NOVA1: variants seen among roughly 807,000 people sequenced by gnomAD.
NOVA1 encodes NOVA alternative splicing regulator 1.
A neutral mutation model predicts 38.0 loss-of-function variants in NOVA1; 7 were observed. The observed-to-expected ratio is 0.18, with a 90% CI of 0.10 to 0.35. The LOEUF is 0.35. Ranked by LOEUF, NOVA1 falls within the 10% of genes least tolerant of loss-of-function variation. The pLI, the probability that NOVA1 is intolerant of heterozygous loss-of-function variation, is 1.00. For missense variants in NOVA1, 460 were observed against 616.0 expected (o/e 0.75, Z 2.68); for synonymous variants, 270 against 232.5 (o/e 1.16, Z -1.47).
chr14:26,496,295 CTTT>C, intron 2 of NOVA1, among the ~76,000 whole-genome samples: 1 of 152,302 alleles, frequency 6.6e-6, no homozygotes, highest in African/African-American at 2.4e-5. Flanking sequence ...TAAATGTCTT[CTTT>C]TGAGAAGTGG....
chr14:26,524,837 A>C (rs1487621969), intron 2 of NOVA1, among the ~76,000 whole-genome samples: 2 of 152,210 alleles, frequency 1.3e-5, no homozygotes, highest in Admixed American at 1.3e-4. Flanking sequence ...GGAAGTATTA[A>C]AACAACATAA....
intron 2 of NOVA1, among the ~76,000 whole-genome samples, chr14:26,507,200 CAGAT>C (rs928247899): frequency 2.0e-5 from 3 of 151,768 alleles, no homozygotes; most frequent in Non-Finnish European, 4.4e-5. Flanking sequence ...ACTTAACGCT[CAGAT>C]AAAGGGCACA....
chr14:26,451,909 G>A (rs972091789), intron 4 of NOVA1, among the ~76,000 whole-genome samples: 11 of 152,016 alleles, frequency 7.2e-5, no homozygotes, highest in African/African-American at 2.2e-4. Context: ...TATTGATGTG[G>A]CCCCAAGTTT....
At chr14:26,471,481 A>G (rs931098087) in intron 4 of NOVA1, among the ~76,000 whole-genome samples, 2 of 151,786 alleles carry the variant, frequency 1.3e-5, no homozygotes, top group African/African-American at 2.4e-5. Flanking sequence ...AAAGAAAATA[A>G]CATTTCTCAC....
At chr14:26,519,090 G>A (rs1888685148) in intron 2 of NOVA1, 1 of 151,950 alleles carries the variant, frequency 6.6e-6, no homozygotes, top group South Asian at 2.1e-4. Flanking sequence ...ATTTTAAATG[G>A]AAAACATTTA....
At chr14:26,470,126 T>C (rs178217) in intron 4 of NOVA1, 414,074 of 631,248 alleles carry the variant, frequency 0.66, 143,715 homozygotes, top group South Asian at 0.72. Context: ...AATAGTTTTC[T>C]GTATTTTTTA....
intron 2 of NOVA1, among the ~76,000 whole-genome samples, chr14:26,568,805 G>A (rs1214771321): frequency 6.6e-6 from 1 of 152,104 alleles, no homozygotes; most frequent in African/African-American, 2.4e-5. Context: ...ACTTTAACCA[G>A]CTATGCTGTC....
chr14:26,496,927 T>G (rs889473035), intron 2 of NOVA1, among the ~76,000 whole-genome samples: 3 of 152,166 alleles, frequency 2.0e-5, no homozygotes, highest in African/African-American at 7.2e-5. Context: ...TCAGGTAGCG[T>G]GATGCCTCCA....
chr14:26,492,365 A>G (rs1386074449), intron 2 of NOVA1, among the ~76,000 whole-genome samples: 1 of 152,152 alleles, frequency 6.6e-6, no homozygotes, highest in African/African-American at 2.4e-5. Context: ...TTCTTGTCCA[A>G]TTATTCTGGC....
At chr14:26,488,408 C>A (rs61986462) in intron 2 of NOVA1, among the ~76,000 whole-genome samples, 1 of 151,990 alleles carries the variant, frequency 6.6e-6, no homozygotes, top group African/African-American at 2.4e-5. Context: ...AAATGGAATA[C>A]TAATTTACTT....
chr14:26,498,078 G>T (rs116651975), intron 2 of NOVA1, among the ~76,000 whole-genome samples: 1 of 152,074 alleles, frequency 6.6e-6, no homozygotes, highest in Non-Finnish European at 1.5e-5. Context: ...GTGCTAATAT[G>T]GGATATAGTC....
intron 2 of NOVA1, among the ~76,000 whole-genome samples, chr14:26,553,498 T>C (rs758045861): frequency 6.6e-6 from 1 of 152,106 alleles, no homozygotes; most frequent in Non-Finnish European, 1.5e-5. Context: ...GTTGGACCTC[T>C]GCTTGTGTGT....
At chr14:26,515,597 T>A (rs2138476688) in intron 2 of NOVA1, among the ~76,000 whole-genome samples, 1 of 152,108 alleles carries the variant, frequency 6.6e-6, no homozygotes, top group African/African-American at 2.4e-5. Flanking sequence ...GTATCTATAG[T>A]CTATCATGGT....
chr14:26,468,852 A>T (rs1884358797), intron 4 of NOVA1, among the ~76,000 whole-genome samples: 1 of 152,192 alleles, frequency 6.6e-6, no homozygotes. Flanking sequence ...CATATTTCTG[A>T]AATCATTCTT....
intron 2 of NOVA1, among the ~76,000 whole-genome samples, chr14:26,590,147 T>C (rs1342704181): frequency 1.3e-5 from 2 of 151,906 alleles, no homozygotes; most frequent in Non-Finnish European, 2.9e-5. Context: ...TACTGATAAA[T>C]GTTAAAACAA....
At chr14:26,594,858 AT>A (rs1158069185) in intron 2 of NOVA1, among the ~76,000 whole-genome samples, 1 of 152,156 alleles carries the variant, frequency 6.6e-6, no homozygotes, top group Non-Finnish European at 1.5e-5. Context: ...GCATAACAGT[AT>A]AAATTTCCTT....
Position 26,448,793 on chromosome 14 carries a change from G to A in NOVA1, c.690C>T (p.Asn230=). The A allele has an allele frequency of 1.2e-6, 2 of 1,614,060 alleles. No homozygotes were observed. Among genetic ancestry groups the A allele is most frequent in the Non-Finnish European group, 1.7e-6 (2 of 1,180,010 alleles). The part of the protein sequence containing the change: ...VVTVSGEPEQ[N]RKAVELIIQK... ...GGATGATAAGTTCAACAGCTTTTCG[G>A]TTTTGTTCAGGTTCTCCACTCACAG... Residue 230 remains asparagine, a synonymous_variant, in exon 5 of 5, where the codon AAC becomes AAT. Coordinates refer to ENST00000539517, the MANE Select transcript of NOVA1 (RefSeq NM_002515.3). The surrounding 1 kb of genome is among the most constrained non-coding windows in gnomAD (Gnocchi z 5.3).
At chr14:26,567,088 C>T (rs1892178934) in intron 2 of NOVA1, among the ~76,000 whole-genome samples, 1 of 151,974 alleles carries the variant, frequency 6.6e-6, no homozygotes, top group Admixed American at 6.6e-5. Context: ...CTCACCTTTC[C>T]CTAAAAACTG....
chr14:26,597,529 T>TTG lies in NOVA1; in HGVS notation c.-94_-93insCA. 8.9e-7 allele frequency: 1 copy of TTG among 1,122,430 alleles called. No homozygotes were observed. Among genetic ancestry groups the TTG allele is most frequent in the Non-Finnish European group, 1.1e-6 (1 of 912,108 alleles). 69.5% of individuals were successfully genotyped at this position (1,122,430 alleles called of 1,614,324 possible). On this transcript the variant is annotated 5_prime_UTR_variant, in exon 1 of 5. Coordinates refer to ENST00000539517, the MANE Select transcript of NOVA1 (RefSeq NM_002515.3). Reference sequence around the variant, plus strand: ...TTTCTTTTTTTTTTTTTTTTTTTTTTGCGTTTGGGGTTTCTTAAGGTTTTT... The same window carrying TTG: ...TTTCTTTTTTTTTTTTTTTTTTTTTTTGGCGTTTGGGGTTTCTTAAGGTTTTT...
Sources: allele counts gnomAD v4.1 joint callset (sites outside exome capture counted in the v4.1 genomes callset), GRCh38; gene constraint gnomAD v4.1.1; non-coding constraint Gnocchi (gnomAD v3.1); transcripts MANE v1.5; gene names NCBI Gene and HGNC (gene_info 2026-07-23, HGNC 2026-07-21).